KIF19: variants seen among roughly 807,000 people sequenced by gnomAD.
KIF19 encodes the protein kinesin-like protein KIF19.
KIF19 carries 98 observed loss-of-function variants against 106.6 expected under a neutral mutation model. That is an observed-to-expected ratio of 0.92 (90% CI 0.78 to 1.09). The LOEUF (loss-of-function observed/expected upper bound fraction) is 1.09, where lower values mean the gene tolerates loss of function less well. Among genes scored for constraint, KIF19 ranks in the 50% least tolerant of loss-of-function variants. The pLI is 0.00. For missense variants in KIF19, 1,373 were observed against 1,414.3 expected (o/e 0.97, Z 0.47); for synonymous variants, 516 against 584.2 (o/e 0.88, Z 1.68).
rs1266164647 is a variant in KIF19 at position 74,346,032 on chromosome 17, G to A, written c.778-346G>A. 6.6e-6 allele frequency among the ~76,000 whole-genome samples: 1 copy of A among 152,234 alleles called. No individual in the cohort carries two copies. The highest frequency in any genetic ancestry group is 1.5e-5 in the Non-Finnish European group (1 of 68,040). On this transcript the variant is annotated intron_variant, in intron 7 of 19. Transcript: ENST00000389916. This position sits in a 1 kb window ranked among gnomAD's most constrained non-coding sequence, Gnocchi z 4.6. ...CTCCTTGCTCCCTGGAGCACCCTCT[G>A]GAGCACCAGTGGTCCTGCCGGCTCC...
In KIF19 at chr17:74,328,507, T is replaced by G. The variant is rs746274829; in HGVS notation, c.120+2T>G. 1 of 1,584,314 alleles carries G rather than the reference T, an allele frequency of 6.3e-7. No homozygotes were observed. The highest frequency in any genetic ancestry group is 8.6e-7 in the Non-Finnish European group (1 of 1,161,886). ...ATCGCCCATAAAGTGGATGAGCAGG[T>G]ATGCAGGGCTCTGCAGCAGGAGCTG... On this transcript the variant is annotated splice_donor_variant, in intron 2 of 19. Transcript: ENST00000389916. LOFTEE classifies it high-confidence loss of function.
chr17:74,339,409 T>C (rs2054296904), intron 2 of KIF19, among the ~76,000 whole-genome samples: 1 of 151,910 alleles, frequency 6.6e-6, no homozygotes, highest in Non-Finnish European at 1.5e-5. Flanking sequence ...ATTGTGATTA[T>C]GTGCTGGGAG....
At chr17:74,341,644 G>T (rs766530462) in intron 2 of KIF19, among the ~76,000 whole-genome samples, 2 of 152,180 alleles carry the variant, frequency 1.3e-5, no homozygotes, top group Non-Finnish European at 2.9e-5. Context: ...ACAGGAATGG[G>T]CTCTGGCTCC....
chr17:74,344,394 C>T (rs775114045), intron 6 of KIF19, 46 bp downstream of exon 6: 21 of 1,597,172 alleles, frequency 1.3e-5, no homozygotes, highest in Admixed American at 7.0e-5. Flanking sequence ...GGAAGCTCAC[C>T]GCCTGAGGGG....
At chr17:74,343,290 C>G (rs1444156671) in intron 5 of KIF19, 130 bp downstream of exon 5, 1 of 936,354 alleles carries the variant, frequency 1.1e-6, no homozygotes, top group Non-Finnish European at 1.6e-6. Flanking sequence ...TTACAAACAT[C>G]GCAGGCTCAT....
chr17:74,342,044 C>A, intron 3 of KIF19, 58 bp downstream of exon 3: 1 of 1,339,236 alleles, frequency 7.5e-7, no homozygotes, highest in Non-Finnish European at 1.1e-6. Context: ...CTTAGCCCCA[C>A]TCAGGAGGGG....
chr17:74,346,126 C>T lies in KIF19; in HGVS notation c.778-252C>T, dbSNP rs1262321797. Among the ~76,000 whole-genome samples, 1 of 152,246 alleles carries T rather than the reference C, an allele frequency of 6.6e-6. No individual in the cohort carries two copies. The highest frequency in any genetic ancestry group is 2.4e-5 in the African/African-American group (1 of 41,478). ...TGGCACTGTGTGTCAGGCCGTGCCA[C>T]GGCACCTGCCCTGAGGAGAACCGGC... is the stretch of plus-strand genomic sequence containing the variant. On this transcript the variant is annotated intron_variant, in intron 7 of 19. Transcript: ENST00000389916. This position sits in a 1 kb window ranked among gnomAD's most constrained non-coding sequence, Gnocchi z 4.6.
In KIF19 at chr17:74,355,533, C is replaced by T. The variant is rs185692398; in HGVS notation, c.*221C>T. On this transcript the variant is annotated 3_prime_UTR_variant, in exon 20 of 20. Coordinates refer to ENST00000389916, the MANE Select transcript of KIF19 (RefSeq NM_153209.4). ...GTGAGGCCAGGGGACATGGCCAGGA[C>T]GGCTGGGCTCCCTGGCTTCCCAGCC... is the stretch of plus-strand genomic sequence containing the variant. 100 of 539,460 alleles carry T rather than the reference C, an allele frequency of 1.9e-4. No homozygotes were observed. Among genetic ancestry groups the T allele is most frequent in the South Asian group, 2.5e-4 (6 of 24,218 alleles). The allele number at this position is 539,460 out of a possible 1,614,324, so 33.4% of individuals were successfully genotyped here.
At position 74,355,522 on chromosome 17, in the gene KIF19, C is replaced by G. The variant is rs2054859313; in HGVS notation, c.*210C>G. The G allele has an allele frequency of 3.2e-6, 2 of 619,714 alleles. No individual in the cohort carries two copies. The highest frequency in any genetic ancestry group is 5.2e-6 in the Non-Finnish European group (2 of 385,454). 38.4% of individuals were successfully genotyped at this position (619,714 alleles called of 1,614,324 possible). ...GGGGAAAAGAGGTGAGGCCAGGGGA[C>G]ATGGCCAGGACGGCTGGGCTCCCTG... is the stretch of plus-strand genomic sequence containing the variant. On this transcript the variant is annotated 3_prime_UTR_variant, in exon 20 of 20. Coordinates refer to ENST00000389916, the MANE Select transcript of KIF19 (RefSeq NM_153209.4).
At position 74,355,483 on chromosome 17, in the gene KIF19, C is replaced by T. The variant is rs944046889; in HGVS notation, c.*171C>T. 5 of 824,642 alleles carry T rather than the reference C, an allele frequency of 6.1e-6. No individual in the cohort carries two copies. In the African/African-American group the frequency reaches 6.9e-5, roughly 11 times the overall value. 51.1% of individuals were successfully genotyped at this position (824,642 alleles called of 1,614,324 possible). A position where few individuals can be genotyped will look rare whatever the true frequency, so the allele number is the denominator to read the frequency against. ...GGGGTCTCTGCCCAACCCTCCCATGCTTTCAGTGCCACTGGGGAAAAGAGG... is the reference window on the plus strand; with the variant it reads ...GGGGTCTCTGCCCAACCCTCCCATGTTTTCAGTGCCACTGGGGAAAAGAGG... On this transcript the variant is annotated 3_prime_UTR_variant, in exon 20 of 20. Transcript: ENST00000389916.
intron 18 of KIF19, 27 bp downstream of exon 18, chr17:74,354,586 C>G (rs371356066): frequency 6.4e-7 from 1 of 1,571,692 alleles, no homozygotes; most frequent in African/African-American, 1.3e-5. Flanking sequence ...GGGTGGGTGT[C>G]TAGGCACTCC....
chr17:74,353,857 C>T (rs1339554165), intron 17 of KIF19, among the ~76,000 whole-genome samples: 4 of 152,204 alleles, frequency 2.6e-5, no homozygotes, highest in African/African-American at 4.8e-5. Context: ...CCTCCCCCGC[C>T]GCCTCCGCTC....
Position 74,343,068 on chromosome 17 carries a change from G to A in KIF19, c.364G>A (p.Gly122Ser). Residue 122 changes from glycine (G) to serine (S), a missense_variant, in exon 5 of 20, where the codon GGC (glycine) becomes AGC (serine). This residue lies in a region of KIF19 where 348 missense variants were observed against 389.5 expected (regional missense o/e 0.89). Transcript: ENST00000389916. Reference protein sequence around the residue: ...YTMLGTDQEPGIYVQTLNDLF... With the variant: ...YTMLGTDQEPSIYVQTLNDLF... ...CATGCTGGGCACAGACCAGGAGCCT[G>A]GCATCTATGTTCAGACCCTCAACGA... 6.2e-7 allele frequency: 1 copy of A among 1,612,974 alleles called. No homozygotes were observed.
intron 2 of KIF19, among the ~76,000 whole-genome samples, chr17:74,334,378 T>G (rs1235034003): frequency 6.6e-6 from 1 of 152,174 alleles, no homozygotes; most frequent in African/African-American, 2.4e-5. Flanking sequence ...CCTGAGAATC[T>G]GCATTTTATA....
Position 74,352,206 on chromosome 17 carries a change from C to A in KIF19, c.1859-13C>A. The A allele has an allele frequency of 6.2e-7, 1 of 1,608,190 alleles. No homozygotes were observed. Among genetic ancestry groups the A allele is most frequent in the Non-Finnish European group, 8.5e-7 (1 of 1,176,884 alleles). ...CCGCTGGCACTCACTGAGCCCTGCC[C>A]CTTCCCCAGCAGACTACAACCTGGC... On this transcript the variant is annotated splice_polypyrimidine_tract_variant and intron_variant, in intron 13 of 19. Transcript: ENST00000389916.
rs73995239 is a variant in KIF19 at position 74,335,151 on chromosome 17, C to T, written c.120+6646C>T. 7.7e-3 allele frequency among the ~76,000 whole-genome samples: 1,168 copies of T among 152,238 alleles called. 13 individuals carry two copies. Among genetic ancestry groups the T allele is most frequent in the African/African-American group, 0.026 (1,090 of 41,546 alleles). ...GGTTCTCAACCAGGGCAATTTTGCC[C>T]CCAGGAACATTTGGCAGTGTCACAA... On this transcript the variant is annotated intron_variant, in intron 2 of 19. Coordinates refer to ENST00000389916, the MANE Select transcript of KIF19 (RefSeq NM_153209.4).
chr17:74,340,315 T>A (rs73362555), intron 2 of KIF19, among the ~76,000 whole-genome samples: 4,160 of 152,186 alleles, frequency 0.027, 203 homozygotes, highest in African/African-American at 0.094. Context: ...CTCTATCCCC[T>A]CCCATACCCT....
At chr17:74,342,492 C>T (rs898910991) in intron 3 of KIF19, 138 bp from the exon 4 acceptor site, 5 of 662,746 alleles carry the variant, frequency 7.5e-6, no homozygotes, top group East Asian at 5.5e-5. Flanking sequence ...TCCCCTCCCC[C>T]ACCCCCCACC....
In KIF19 at chr17:74,347,829, C is replaced by T. The variant is rs762741538; in HGVS notation, c.977C>T (p.Ala326Val). 1.7e-5 allele frequency: 27 copies of T among 1,586,710 alleles called. No homozygotes were observed. The South Asian group carries it at 2.1e-4, about 12-fold the overall frequency. ...GTGATGATCGCTCACATCAGTCCTG[C>T]GAGCAGTGCCTTCGAGGAGTCCCGG... ...RTVMIAHISPASSAFEESRNT... is the reference protein window; with the variant it reads ...RTVMIAHISPVSSAFEESRNT... The change falls in exon 9 of 20, where the codon GCG becomes GTG. Residue 326 changes from alanine (A) to valine (V), a missense_variant. By Grantham distance (64) the Ala-to-Val change is moderately conservative. Around this residue, in one of 3 missense-constraint regions of KIF19, gnomAD observed 1,020 missense variants for 1,008.2 expected, o/e 1.01. Transcript: ENST00000389916.
Sources: allele counts gnomAD v4.1 joint callset (sites outside exome capture counted in the v4.1 genomes callset), GRCh38; gene constraint gnomAD v4.1.1; regional missense constraint gnomAD v4.1.1; non-coding constraint Gnocchi (gnomAD v3.1); transcripts MANE v1.5; gene names NCBI Gene and HGNC (gene_info 2026-07-23, HGNC 2026-07-21).